ADGRL2: variants seen among roughly 807,000 people sequenced by gnomAD.
ADGRL2 encodes calcium-independent alpha-latrotoxin receptor 2.
A neutral mutation model predicts 157.4 loss-of-function variants in ADGRL2; 44 were observed. That is an observed-to-expected ratio of 0.28 (90% CI 0.22 to 0.36). The LOEUF is 0.36. Ranked by LOEUF, ADGRL2 falls within the 10% of genes least tolerant of loss-of-function variation. The pLI is 1.00. For synonymous variants in ADGRL2, 585 were observed against 624.7 expected (o/e 0.94, Z 0.95); for missense variants, 1,510 against 1,768.9 (o/e 0.85, Z 2.63).
chr1:81,748,961 C>T (rs1385408191), intron 1 of ADGRL2, among the ~76,000 whole-genome samples: 13 of 152,132 alleles, frequency 8.5e-5, no homozygotes, highest in Non-Finnish European at 1.9e-4. Flanking sequence ...AGCCACTGTG[C>T]CCGGCCTCAT....
chr1:81,518,635 C>T (rs1258267275), intron 2 of ADGRL2, among the ~76,000 whole-genome samples: 1 of 152,160 alleles, frequency 6.6e-6, no homozygotes, highest in East Asian at 1.9e-4. Flanking sequence ...TTCAAATCCA[C>T]AGTGACTATG....
chr1:81,435,751 T>C (rs925408831), intron 1 of ADGRL2, among the ~76,000 whole-genome samples: 1 of 152,202 alleles, frequency 6.6e-6, no homozygotes, highest in African/African-American at 2.4e-5. Context: ...GAAACATTTC[T>C]CTGGAACCTG....
chr1:81,705,702 A>C (rs971736465), intron 1 of ADGRL2, among the ~76,000 whole-genome samples: 1 of 151,036 alleles, frequency 6.6e-6, no homozygotes, highest in Non-Finnish European at 1.5e-5. Context: ...GGATCGCTTG[A>C]GGCCAGGAGT....
chr1:81,749,788 A>G (rs748172623), intron 1 of ADGRL2, among the ~76,000 whole-genome samples: 3 of 152,146 alleles, frequency 2.0e-5, no homozygotes, highest in African/African-American at 4.8e-5. Context: ...TCATTATATA[A>G]GGTAATATAT....
chr1:81,533,748 T>C (rs2148271851), intron 2 of ADGRL2, among the ~76,000 whole-genome samples: 2 of 152,308 alleles, frequency 1.3e-5, no homozygotes, highest in Middle Eastern at 3.4e-3. Context: ...CAGAGCTTAG[T>C]GTTCATTATT....
chr1:81,985,164 C>A, intron 20 of ADGRL2, 95 bp from the exon 21 acceptor site: 1 of 620,992 alleles, frequency 1.6e-6, no homozygotes, highest in South Asian at 2.5e-5. Context: ...GATAATCCTA[C>A]ATAGGTTGTT....
intron 17 of ADGRL2, among the ~76,000 whole-genome samples, chr1:81,973,539 G>A (rs561446262): frequency 7.2e-5 from 11 of 152,164 alleles, no homozygotes; most frequent in Non-Finnish European, 1.3e-4. Context: ...GTGAAGATAA[G>A]TACTGACTTT....
chr1:81,352,722 C>T (rs975646348), intron 1 of ADGRL2, among the ~76,000 whole-genome samples: 2 of 152,042 alleles, frequency 1.3e-5, no homozygotes, highest in African/African-American at 4.8e-5. Context: ...AGTTCACAGC[C>T]ATTCTTTTTA....
At chr1:81,682,103 A>ATATGTGTGTG (rs141980830) in intron 3 of ADGRL2, among the ~76,000 whole-genome samples, 327 of 148,034 alleles carry the variant, frequency 2.2e-3, no homozygotes, top group African/African-American at 7.8e-3. Context: ...ATACATATAT[A>ATATGTGTGTG]TGTGTGTGTG....
chr1:81,909,284 C>T lies in ADGRL2; in HGVS notation c.287+2054C>T, dbSNP rs569066528. Among the ~76,000 whole-genome samples the T allele has an allele frequency of 2.0e-5, 3 of 151,226 alleles. No individual in the cohort carries two copies. In the South Asian group the frequency reaches 6.3e-4, roughly 32 times the overall value. ...CTTTGTATATTTTGGGATAACAGTC[C>T]TTCATCATATATCTCTTTCTCAAAT... On this transcript the variant is annotated intron_variant, in intron 3 of 23. Transcript: ENST00000686636.
chr1:81,554,482 T>C (rs940920154), intron 2 of ADGRL2, among the ~76,000 whole-genome samples: 8 of 142,040 alleles, frequency 5.6e-5, no homozygotes, highest in East Asian at 3.9e-4. Flanking sequence ...TACTTTCTCT[T>C]TTTTTTTTTG....
chr1:81,520,610 T>C (rs1303083561), intron 2 of ADGRL2, among the ~76,000 whole-genome samples: 5 of 152,146 alleles, frequency 3.3e-5, no homozygotes, highest in Non-Finnish European at 7.3e-5. Flanking sequence ...TTTATAAGTG[T>C]TTGACAGTTC....
intron 3 of ADGRL2, among the ~76,000 whole-genome samples, chr1:81,682,103 ATGTG>A (rs57943530): frequency 1.7e-4 from 25 of 147,966 alleles, no homozygotes; most frequent in South Asian, 4.3e-4. Flanking sequence ...ATACATATAT[ATGTG>A]TGTGTGTGTG....
intron 2 of ADGRL2, among the ~76,000 whole-genome samples, chr1:81,486,082 G>A (rs2078494093): frequency 6.6e-6 from 1 of 152,134 alleles, no homozygotes; most frequent in African/African-American, 2.4e-5. Flanking sequence ...ATCCACAAAA[G>A]GAAGGGATTG....
At chr1:81,844,556 A>G (rs966758748) in intron 2 of ADGRL2, among the ~76,000 whole-genome samples, 4 of 152,212 alleles carry the variant, frequency 2.6e-5, no homozygotes, top group African/African-American at 9.6e-5. Flanking sequence ...TTGATACCCC[A>G]TGGTACTCTA....
chr1:81,639,540 C>CAAAAAAAAAAA (rs56281820), intron 3 of ADGRL2, among the ~76,000 whole-genome samples: 1 of 82,978 alleles, frequency 1.2e-5, no homozygotes, highest in Non-Finnish European at 2.0e-5. Flanking sequence ...TCCATCTCTA[C>CAAAAAAAAAAA]AAAAAAAAAA....
chr1:81,363,871 C>T (rs1440028568), intron 1 of ADGRL2, among the ~76,000 whole-genome samples: 4 of 152,112 alleles, frequency 2.6e-5, no homozygotes, highest in Non-Finnish European at 5.9e-5. Flanking sequence ...CCTGTACATA[C>T]TTATACCATA....
intron 2 of ADGRL2, among the ~76,000 whole-genome samples, chr1:81,571,290 A>G (rs1285847230): frequency 6.6e-6 from 1 of 150,896 alleles, no homozygotes; most frequent in East Asian, 1.9e-4. Context: ...ATGCCACTGC[A>G]TGTAGCCTGG....
chr1:81,923,886 T>C (rs1352398166), intron 3 of ADGRL2, among the ~76,000 whole-genome samples: 2 of 152,064 alleles, frequency 1.3e-5, no homozygotes, highest in Admixed American at 6.6e-5. Flanking sequence ...GTTTGGGAAA[T>C]AATATAAACA....
Sources: allele counts gnomAD v4.1 joint callset (sites outside exome capture counted in the v4.1 genomes callset), GRCh38; gene constraint gnomAD v4.1.1; transcripts MANE v1.5; gene names NCBI Gene and HGNC (gene_info 2026-07-23, HGNC 2026-07-21).